Variants in WDPCP observed in about 807,000 individuals in gnomAD.
WDPCP encodes WD repeat containing planar cell polarity effector, also known as WD repeat-containing and planar cell polarity effector protein fritz homolog.
A neutral mutation model predicts 93.1 loss-of-function variants in WDPCP; 71 were observed. That is an observed-to-expected ratio of 0.76 (90% CI 0.63 to 0.93). The LOEUF is 0.93. WDPCP is among the 40% of genes least tolerant of loss of function. The pLI is 0.00. For missense variants in WDPCP, 844 were observed against 887.4 expected, an observed-to-expected ratio of 0.95 and a Z score of 0.62; for synonymous variants, 315 against 315.0, an observed-to-expected ratio of 1.00 and a Z score of 0.00.
chr2:63,236,261 A>G (rs538602193), intron 14 of WDPCP, among the ~76,000 whole-genome samples: 36 of 152,296 alleles, frequency 2.4e-4, no homozygotes, highest in African/African-American at 7.9e-4. Flanking sequence ...ATACTTAAGA[A>G]TACACCTAAC....
intron 2 of WDPCP, among the ~76,000 whole-genome samples, chr2:63,690,252 T>C (rs1479797258): frequency 1.3e-5 from 2 of 152,358 alleles, no homozygotes; most frequent in East Asian, 3.9e-4. Context: ...TAAAACCTTA[T>C]TTAAAACTGT....
intron 12 of WDPCP, among the ~76,000 whole-genome samples, chr2:63,338,736 A>G (rs1251226142): frequency 6.6e-6 from 1 of 150,882 alleles, no homozygotes; most frequent in South Asian, 2.1e-4. Context: ...CCATTGGTTT[A>G]TGTGTCTGTT....
rs201412509 is a variant in WDPCP at position 63,382,092 on chromosome 2, C to A, written c.1438G>T (p.Val480Phe). The part of the protein sequence containing the change: ...PLGVLLFKLG[V>F]FTRGQLGLID... ...AGGCCCAGCTGTCCTCGAGTGAAGA[C>A]GCCTATCACAAAACATGGAAAACCA... Residue 480 changes from valine (V) to phenylalanine (F), a missense_variant and splice_region_variant, in exon 11 of 18, where the codon GTC becomes TTC. Coordinates refer to ENST00000272321, the MANE Select transcript of WDPCP (RefSeq NM_015910.7). 1.2e-6 allele frequency: 2 copies of A among 1,612,092 alleles called. No individual in the cohort carries two copies. Among genetic ancestry groups the A allele is most frequent in the South Asian group, 1.1e-5 (1 of 90,886 alleles).
chr2:63,813,022 T>TAA (rs1012585335), intron 2 of WDPCP, among the ~76,000 whole-genome samples: 4 of 147,374 alleles, frequency 2.7e-5, no homozygotes, highest in African/African-American at 9.9e-5. Context: ...TCAGCTAATT[T>TAA]AAAAAAAAAA....
At chr2:63,605,019 T>A in intron 3 of WDPCP, 1 of 760,964 alleles carries the variant, frequency 1.3e-6, no homozygotes, top group Non-Finnish European at 2.1e-6. Context: ...AGTCATGATC[T>A]AGTGTGATCT....
At chr2:63,788,168 T>G (rs1670496740) in intron 2 of WDPCP, among the ~76,000 whole-genome samples, 1 of 152,226 alleles carries the variant, frequency 6.6e-6, no homozygotes, top group South Asian at 2.1e-4. Context: ...TGCAACATTT[T>G]GTAGCTAGAA....
intron 9 of WDPCP, among the ~76,000 whole-genome samples, chr2:63,419,194 G>T (rs1187978165): frequency 6.6e-6 from 1 of 152,124 alleles, no homozygotes; most frequent in Non-Finnish European, 1.5e-5. Flanking sequence ...CCAGGTTGGG[G>T]TGCAGTGCTG....
chr2:63,636,571 G>A (rs896027604), intron 3 of WDPCP, among the ~76,000 whole-genome samples: 1 of 152,100 alleles, frequency 6.6e-6, no homozygotes, highest in African/African-American at 2.4e-5. Flanking sequence ...ATGTATCTGG[G>A]ACTACAGGTA....
the WDPCP span, among the ~76,000 whole-genome samples, chr2:63,833,063 G>A: frequency 2.0e-5 from 3 of 152,114 alleles, no homozygotes; most frequent in Non-Finnish European, 4.4e-5. Flanking sequence ...GACCGGCCTG[G>A]CCAACATGGT....
chr2:63,438,413 A>C (rs987747194), intron 7 of WDPCP, among the ~76,000 whole-genome samples: 1 of 152,056 alleles, frequency 6.6e-6, no homozygotes, highest in African/African-American at 2.4e-5. Flanking sequence ...AGAGTGTATT[A>C]TTTTGGGTAC....
chr2:63,764,164 A>G (rs1670103168), intron 2 of WDPCP, among the ~76,000 whole-genome samples: 2 of 152,150 alleles, frequency 1.3e-5, no homozygotes, highest in African/African-American at 4.8e-5. Flanking sequence ...ATCACCCCAA[A>G]AGAAAACCTC....
At chr2:63,707,442 G>A (rs576710340) in intron 2 of WDPCP, among the ~76,000 whole-genome samples, 23 of 152,046 alleles carry the variant, frequency 1.5e-4, no homozygotes, top group African/African-American at 5.3e-4. Flanking sequence ...TTGTGCATTC[G>A]TCACGTAGAT....
intron 1 of WDPCP, among the ~76,000 whole-genome samples, chr2:63,555,011 C>T (rs551810459): frequency 6.6e-6 from 1 of 152,338 alleles, no homozygotes; most frequent in Admixed American, 6.5e-5. Context: ...TGAGCTCATG[C>T]CAGCAGGGCC....
At chr2:63,437,243 G>GTA (rs1448332090) in intron 8 of WDPCP, among the ~76,000 whole-genome samples, 178 bp downstream of exon 8, 1 of 151,918 alleles carries the variant, frequency 6.6e-6, no homozygotes. Context: ...CATAGTGAGA[G>GTA]TATAAAAGAA....
intron 14 of WDPCP, chr2:63,233,592 G>C: frequency 6.3e-6 from 1 of 157,940 alleles, no homozygotes; most frequent in Non-Finnish European, 1.4e-5. Flanking sequence ...GAAGTAAATA[G>C]AAAAGCCAAT....
intron 2 of WDPCP, chr2:63,717,157 G>A (rs568975887): frequency 2.5e-6 from 1 of 403,708 alleles, no homozygotes; most frequent in South Asian, 2.1e-5. Flanking sequence ...CTGACTCTTG[G>A]AAATGAAGAA....
At chr2:63,199,394 G>C (rs1450668061) in intron 14 of WDPCP, among the ~76,000 whole-genome samples, 1 of 152,234 alleles carries the variant, frequency 6.6e-6, no homozygotes, top group South Asian at 2.1e-4. Flanking sequence ...AGGCCTAGGA[G>C]GGAAGAATAG....
At position 63,378,405 on chromosome 2, in the gene WDPCP, A is replaced by C. The variant is rs141845729; in HGVS notation, c.1729T>G (p.Phe577Val). The change falls in exon 12 of 18, where the codon TTC becomes GTC. Residue 577 changes from phenylalanine to valine, a missense_variant. Phe to Val is a conservative substitution (Grantham distance 50, BLOSUM62 -1). Coordinates refer to ENST00000272321, the MANE Select transcript of WDPCP (RefSeq NM_015910.7). Reference protein sequence around the residue: ...RDQISKYARRFFHHLLRYQRF... With the variant: ...RDQISKYARRVFHHLLRYQRF... Reference sequence around the variant, plus strand: ...ATTCACCTGAGCAAGTGATGGAAGAATCTCCTTGCATATTTGCTGATTTGA... The same window carrying C: ...ATTCACCTGAGCAAGTGATGGAAGACTCTCCTTGCATATTTGCTGATTTGA... 101 of 1,613,134 alleles carry C rather than the reference A, an allele frequency of 6.3e-5. No individual in the cohort carries two copies. Among genetic ancestry groups the C allele is most frequent in the East Asian group, 4.9e-4 (22 of 44,800 alleles).
At chr2:63,450,341 G>A (rs1264437417) in intron 6 of WDPCP, among the ~76,000 whole-genome samples, 1 of 152,128 alleles carries the variant, frequency 6.6e-6, no homozygotes, top group East Asian at 1.9e-4. Context: ...CCTGTCTGGG[G>A]CTGTGGGTGG....
Sources: gnomAD v4.1 joint callset for allele counts (sites outside exome capture counted in the v4.1 genomes callset) on GRCh38, gnomAD v4.1.1 for gene constraint, MANE v1.5 for transcripts, NCBI Gene and HGNC (gene_info 2026-07-23, HGNC 2026-07-21) for gene names.